PDHA1: variants seen among roughly 807,000 people sequenced by gnomAD.
PDHA1 encodes pyruvate dehydrogenase E1 component subunit alpha, somatic form, mitochondrial.
PDHA1 carries 1 observed loss-of-function variant against 33.0 expected under a neutral mutation model. The ratio of observed to expected loss-of-function variants is 0.03; its 90% CI spans 0.01 to 0.14. The LOEUF (loss-of-function observed/expected upper bound fraction) is 0.14. Ranked by LOEUF, PDHA1 falls within the 10% of genes least tolerant of loss-of-function variation. The pLI is 1.00. For missense variants in PDHA1, 168 were observed against 325.1 expected (o/e 0.52, Z 3.72); for synonymous variants, 123 against 119.2 (o/e 1.03, Z -0.21).
chrX:19,359,824 T>TA lies in PDHA1; in HGVS notation c.*175dup, dbSNP rs2063255536. On this transcript the variant is annotated 3_prime_UTR_variant, in exon 11 of 11. Transcript: ENST00000422285. The stretch of plus-strand genomic sequence containing the variant: ...GCATGCAGTTTGTACATTAGTGCAT[T>TA]AAAAGATGAATTATTGAGTGCTTAA... The TA allele has an allele frequency of 1.6e-5, 8 of 499,028 alleles. No individual in the cohort carries two copies. Among genetic ancestry groups the TA allele is most frequent in the Non-Finnish European group, 3.5e-6 (1 of 281,842 alleles). 41.1% of individuals were successfully genotyped at this position (499,028 alleles called of 1,213,427 possible).
chrX:19,357,824 C>A, intron 9 of PDHA1, 105 bp downstream of exon 9: 1 of 622,849 alleles, frequency 1.6e-6, no homozygotes, highest in Non-Finnish European at 2.8e-6. Flanking sequence ...GATACCAGTT[C>A]ACTTCATGTA....
chrX:19,360,702 A>C lies in PDHA1; in HGVS notation c.*1049A>C, dbSNP rs1371599788. ...TATACACTAACAGAAGCTTTAACAA[A>C]ACATGTAGCGTGGTGGGACACTCTG... On this transcript the variant is annotated 3_prime_UTR_variant, in exon 11 of 11. Transcript: ENST00000422285. 2.0e-6 allele frequency: 2 copies of C among 1,012,852 alleles called. No homozygotes were observed. Among genetic ancestry groups the C allele is most frequent in the Admixed American group, 4.7e-5 (2 of 42,484 alleles). The allele number at this position is 1,012,852 out of a possible 1,213,427, so 83.5% of individuals were successfully genotyped here.
intron 9 of PDHA1, 57 bp downstream of exon 9, chrX:19,357,776 G>A: frequency 1.1e-6 from 1 of 912,241 alleles, no homozygotes; most frequent in Admixed American, 2.2e-5. Flanking sequence ...GTGTTACATG[G>A]CAAAAGCAAC....
rs899461062 is a variant in PDHA1, at chrX:19,359,452, C to T, written c.1009-37C>T. 7 of 1,152,795 alleles carry T rather than the reference C, an allele frequency of 6.1e-6. No individual in the cohort carries two copies. In the African/African-American group the frequency reaches 1.1e-4, roughly 18 times the overall value. On this transcript the variant is annotated intron_variant, in intron 10 of 10. Transcript: ENST00000422285. ...TCTAGTTGGTACCTAAGCTGCTGTT[C>T]ATTCTAAAACCTTTTACACTGTTAC...
intron 5 of PDHA1, among the ~76,000 whole-genome samples, chrX:19,353,933 T>G (rs1000013914): frequency 9.1e-6 from 1 of 110,252 alleles, no homozygotes; most frequent in Non-Finnish European, 1.9e-5. Flanking sequence ...TTATGTGTTG[T>G]TTTTTTTTAA....
chrX:19,344,988 C>A (rs917359025), intron 1 of PDHA1, among the ~76,000 whole-genome samples: 8 of 111,426 alleles, frequency 7.2e-5, no homozygotes, highest in Non-Finnish European at 1.5e-4. Flanking sequence ...CCCTCCCCTC[C>A]CCTTACCTAC....
intron 1 of PDHA1, among the ~76,000 whole-genome samples, chrX:19,348,422 G>A (rs2935000): frequency 1.4e-4 from 16 of 112,330 alleles, no homozygotes; most frequent in African/African-American, 4.8e-4. Context: ...TTATAAAACA[G>A]CTGGCTCAAG....
Position 19,359,819 on chromosome X carries a change from T to G in PDHA1, c.*166T>G. On this transcript the variant is annotated 3_prime_UTR_variant, in exon 11 of 11. Coordinates refer to ENST00000422285, the MANE Select transcript of PDHA1 (RefSeq NM_000284.4). The stretch of plus-strand genomic sequence containing the variant: ...TAATTGCATGCAGTTTGTACATTAG[T>G]GCATTAAAAGATGAATTATTGAGTG... The G allele has an allele frequency of 7.9e-6, 4 of 505,696 alleles. No homozygotes were observed. Among genetic ancestry groups the G allele is most frequent in the Non-Finnish European group, 1.4e-5 (4 of 285,459 alleles). 41.7% of individuals were successfully genotyped at this position (505,696 alleles called of 1,213,427 possible). A position where few individuals can be genotyped will look rare whatever the true frequency, so the allele number is the denominator to read the frequency against.
At chrX:19,349,459 C>T in intron 2 of PDHA1, 88 bp downstream of exon 2, 1 of 580,381 alleles carries the variant, frequency 1.7e-6, no homozygotes, top group Admixed American at 2.7e-5. Context: ...TTTTGATGTT[C>T]ATGCTTAGTC....
At position 19,360,202 on chromosome X, in the gene PDHA1, A is replaced by G. The variant is rs187525386; in HGVS notation, c.*549A>G. 1.4e-3 allele frequency: 186 copies of G among 136,861 alleles called. 1 individual carries two copies. Among genetic ancestry groups the G allele is most frequent in the Non-Finnish European group, 2.5e-3 (171 of 68,859 alleles). 11.3% of individuals were successfully genotyped at this position (136,861 alleles called of 1,213,427 possible). On this transcript the variant is annotated 3_prime_UTR_variant, in exon 11 of 11. Coordinates refer to ENST00000422285, the MANE Select transcript of PDHA1 (RefSeq NM_000284.4). ...ACACATTCAGTATAAATATGAAGCT[A>G]TTTTCTGTTCATATCAAACATTAAC...
Position 19,359,672 on chromosome X carries a change from T to TTATACCTTCA in PDHA1, c.*20_*29dup. On this transcript the variant is annotated 3_prime_UTR_variant, in exon 11 of 11. Coordinates refer to ENST00000422285, the MANE Select transcript of PDHA1 (RefSeq NM_000284.4). ...CAGTTAAGGGGAGGAGAAGGAGAGG[T>TTATACCTTCA]TATACCTTCAGGGGGCTACCAGACA... The TTATACCTTCA allele has an allele frequency of 8.5e-7, 1 of 1,181,819 alleles. No homozygotes were observed. Among genetic ancestry groups the TTATACCTTCA allele is most frequent in the South Asian group, 1.8e-5 (1 of 56,264 alleles).
At chrX:19,356,487 A>G (rs771397702) in intron 8 of PDHA1, among the ~76,000 whole-genome samples, 1 of 111,877 alleles carries the variant, frequency 8.9e-6, no homozygotes, top group Non-Finnish European at 1.9e-5. Context: ...TAGTAACATT[A>G]AATAAGAGCT....
intron 6 of PDHA1, 143 bp downstream of exon 6, chrX:19,354,726 G>T: frequency 1.9e-6 from 1 of 516,493 alleles, no homozygotes. Flanking sequence ...TTGACTTATG[G>T]CCAGATTAGA....
At chrX:19,344,227 C>T in intron 1 of PDHA1, 133 bp downstream of exon 1, 1 of 524,290 alleles carries the variant, frequency 1.9e-6, no homozygotes, top group South Asian at 2.9e-5. Flanking sequence ...TTTACTTCGC[C>T]TCCGCGCCCT....
Position 19,357,459 on chromosome X carries a change from G to GAAAT in PDHA1, c.832-191_832-188dup. The GAAAT allele has an allele frequency of 8.2e-6, 4 of 488,967 alleles. No homozygotes were observed. In the South Asian group the frequency reaches 8.6e-5, roughly 11 times the overall value. 40.3% of individuals were successfully genotyped at this position (488,967 alleles called of 1,213,427 possible). On this transcript the variant is annotated intron_variant, in intron 8 of 10. Coordinates refer to ENST00000422285, the MANE Select transcript of PDHA1 (RefSeq NM_000284.4). ...TTGCCTTATTAAAAATGAGAAAGATGAAATATGCAATCAATACTTGCTAGA... is the reference window on the plus strand; with the variant it reads ...TTGCCTTATTAAAAATGAGAAAGATGAAATAAATATGCAATCAATACTTGCTAGA...
chrX:19,343,930 G>A lies in PDHA1; in HGVS notation c.-108G>A. Reference sequence around the variant, plus strand: ...TATTACGACTCTGTCACGCCGCGGTGCGACTGAGGCGTGGCGTCTGCTGGG... The same window carrying A: ...TATTACGACTCTGTCACGCCGCGGTACGACTGAGGCGTGGCGTCTGCTGGG... On this transcript the variant is annotated 5_prime_UTR_variant, in exon 1 of 11. Coordinates refer to ENST00000422285, the MANE Select transcript of PDHA1 (RefSeq NM_000284.4). 1.4e-6 allele frequency: 1 copy of A among 729,342 alleles called. No individual in the cohort carries two copies. The highest frequency in any genetic ancestry group is 2.1e-6 in the Non-Finnish European group (1 of 471,697). The allele number at this position is 729,342 out of a possible 1,213,427, so 60.1% of individuals were successfully genotyped here. A position where few individuals can be genotyped will look rare whatever the true frequency, so the allele number is the denominator to read the frequency against.
intron 1 of PDHA1, 89 bp from the exon 2 acceptor site, chrX:19,349,223 A>G: frequency 1.6e-6 from 1 of 635,818 alleles, no homozygotes; most frequent in Non-Finnish European, 2.6e-6. Context: ...AAATTTCCAT[A>G]ACTTCATTCT....
rs138237215 is a variant in PDHA1 at position 19,355,438 on chromosome X, G to C, written c.693G>C (p.Thr231=). ...AGAATAATCGCTATGGAATGGGAAC[G>C]TCTGTTGAGAGAGCGGCAGCCAGCA... ...ICENNRYGMG[T]SVERAAASTD... Residue 231 remains threonine (T), a synonymous_variant, in exon 7 of 11, where the codon ACG becomes ACC. Coordinates refer to ENST00000422285, the MANE Select transcript of PDHA1 (RefSeq NM_000284.4). 2 of 1,210,466 alleles carry C rather than the reference G, an allele frequency of 1.7e-6. No individual in the cohort carries two copies. Among genetic ancestry groups the C allele is most frequent in the Non-Finnish European group, 2.2e-6 (2 of 894,907 alleles).
Position 19,351,818 on chromosome X carries a change from A to ATTTTT in PDHA1, c.418+411_418+412insTTTTT, listed in dbSNP as rs2063164889. 1.0e-4 allele frequency among the ~76,000 whole-genome samples: 4 copies of ATTTTT among 38,234 alleles called. No homozygotes were observed. In the African/African-American group the frequency reaches 1.5e-3, roughly 14 times the overall value. The allele number at this position is 38,234 out of a possible 115,157, so 33.2% of individuals were successfully genotyped here. On this transcript the variant is annotated intron_variant, in intron 4 of 10. Transcript: ENST00000422285. ...TGGTTTTTTTTTTTTTTTTTTTTTG[A>ATTTTT]GACTGTGTCTCACTCCGTTGTCCAG...
Sources: gnomAD v4.1 joint callset for allele counts (sites outside exome capture counted in the v4.1 genomes callset) on GRCh38, gnomAD v4.1.1 for gene constraint, MANE v1.5 for transcripts, NCBI Gene and HGNC (gene_info 2026-07-23, HGNC 2026-07-21) for gene names.